IMPG1: variants seen among roughly 807,000 people sequenced by gnomAD.
IMPG1 encodes the protein interphotoreceptor matrix proteoglycan of 150 kDa.
A neutral mutation model predicts 92.0 loss-of-function variants in IMPG1; 85 were observed. The ratio of observed to expected loss-of-function variants is 0.92; its 90% CI spans 0.78 to 1.11. IMPG1 has a LOEUF of 1.11. Ranked by LOEUF, IMPG1 falls within the 50% of genes least tolerant of loss-of-function variation. IMPG1 has a pLI of 0.00. For missense variants in IMPG1, 1,022 were observed against 956.0 expected, an observed-to-expected ratio of 1.07 and a Z score of -0.91; for synonymous variants, 367 against 334.1, an observed-to-expected ratio of 1.10 and a Z score of -1.08.
chr6:75,925,162 C>T (rs72884300), intron 15 of IMPG1, among the ~76,000 whole-genome samples: 16,300 of 151,932 alleles, frequency 0.11, 1,044 homozygotes, highest in Middle Eastern at 0.17. Flanking sequence ...GATGGGAATG[C>T]TAATTACCCT....
In IMPG1 at chr6:75,987,150, T is replaced by C. The variant is rs559092407; in HGVS notation, c.1291+15768A>G. Among the ~76,000 whole-genome samples the C allele has an allele frequency of 1.2e-4, 19 of 152,178 alleles. No homozygotes were observed. The South Asian group carries it at 1.5e-3, about 12-fold the overall frequency. On this transcript the variant is annotated intron_variant, in intron 12 of 16. Transcript: ENST00000369950. The stretch of plus-strand genomic sequence containing the variant: ...CCTTGGCGAGGCCTAAATTCCTCTT[T>C]GCCTAAGAAAGAAAAAACCTCACTG...
intron 2 of IMPG1, among the ~76,000 whole-genome samples, chr6:76,041,645 T>C (rs1783843893): frequency 6.6e-6 from 1 of 152,230 alleles, no homozygotes; most frequent in Non-Finnish European, 1.5e-5. Context: ...CAAGGTTTTC[T>C]GGTGATTTCT....
intron 1 of IMPG1, among the ~76,000 whole-genome samples, chr6:76,057,679 T>C (rs1047148337): frequency 1.3e-5 from 2 of 152,134 alleles, no homozygotes; most frequent in African/African-American, 2.4e-5. Flanking sequence ...TCTGGGTTAT[T>C]ACTCATGAGT....
At chr6:76,014,045 G>A (rs955513042) in intron 7 of IMPG1, among the ~76,000 whole-genome samples, 4 of 152,168 alleles carry the variant, frequency 2.6e-5, no homozygotes, top group Admixed American at 2.0e-4. Context: ...ACGGGATGGG[G>A]TTTAAATATT....
At chr6:75,929,129 A>C (rs1582047579) in intron 15 of IMPG1, among the ~76,000 whole-genome samples, 1 of 152,194 alleles carries the variant, frequency 6.6e-6, no homozygotes, top group South Asian at 2.1e-4. Flanking sequence ...TAATTGTCTA[A>C]AAGTAGAGTA....
intron 15 of IMPG1, among the ~76,000 whole-genome samples, chr6:75,925,790 G>A (rs1249053908): frequency 2.0e-5 from 3 of 151,962 alleles, no homozygotes; most frequent in East Asian, 1.9e-4. Flanking sequence ...CTCAGCCTCC[G>A]GAGTAGCTGA....
At chr6:75,937,920 C>G (rs1370851585) in intron 14 of IMPG1, among the ~76,000 whole-genome samples, 1 of 152,184 alleles carries the variant, frequency 6.6e-6, no homozygotes, top group African/African-American at 2.4e-5. Flanking sequence ...AAATCTTCAG[C>G]CTGCACAACT....
At chr6:76,049,005 C>T (rs1582129601) in intron 1 of IMPG1, among the ~76,000 whole-genome samples, 1 of 152,222 alleles carries the variant, frequency 6.6e-6, no homozygotes, top group Non-Finnish European at 1.5e-5. Context: ...ATACCATGGA[C>T]TACTATACAG....
chr6:76,002,429 T>G (rs1404432516), intron 12 of IMPG1, among the ~76,000 whole-genome samples: 1 of 152,212 alleles, frequency 6.6e-6, no homozygotes, highest in Admixed American at 6.5e-5. Flanking sequence ...ATGTGCTAAT[T>G]TACACTAAAG....
intron 14 of IMPG1, among the ~76,000 whole-genome samples, chr6:75,943,717 T>A (rs1169442917): frequency 6.6e-6 from 1 of 152,196 alleles, no homozygotes; most frequent in East Asian, 1.9e-4. Context: ...CCAAAGGCTG[T>A]CTCATTGACC....
At chr6:75,956,673 A>G (rs1160628492) in intron 12 of IMPG1, among the ~76,000 whole-genome samples, 1 of 151,512 alleles carries the variant, frequency 6.6e-6, no homozygotes, top group Non-Finnish European at 1.5e-5. Context: ...TAATTGTTTT[A>G]ATTGTGATGT....
intron 12 of IMPG1, among the ~76,000 whole-genome samples, chr6:75,992,209 C>T (rs1782823688): frequency 6.6e-6 from 1 of 152,230 alleles, no homozygotes; most frequent in African/African-American, 2.4e-5. Context: ...CCCTGGTTTT[C>T]CAGCCTGCCA....
chr6:76,003,199 C>G (rs1381393930), intron 11 of IMPG1, among the ~76,000 whole-genome samples: 1 of 152,118 alleles, frequency 6.6e-6, no homozygotes, highest in Non-Finnish European at 1.5e-5. Flanking sequence ...AAAATAAGAT[C>G]TATTGCTTCT....
At chr6:76,008,707 A>G (rs1562367892) in intron 8 of IMPG1, among the ~76,000 whole-genome samples, 2 of 152,182 alleles carry the variant, frequency 1.3e-5, no homozygotes, top group African/African-American at 4.8e-5. Flanking sequence ...ATTTTTAAAT[A>G]ATTGTTTTGT....
At chr6:76,026,923 G>T (rs769587524) in intron 4 of IMPG1, among the ~76,000 whole-genome samples, 36 of 152,094 alleles carry the variant, frequency 2.4e-4, no homozygotes, top group Non-Finnish European at 4.4e-5. Flanking sequence ...AGCCCTTTCT[G>T]GTTCAATATC....
At chr6:75,955,517 T>C (rs932849507) in intron 12 of IMPG1, among the ~76,000 whole-genome samples, 16 of 152,210 alleles carry the variant, frequency 1.1e-4, no homozygotes, top group African/African-American at 3.6e-4. Flanking sequence ...GATGGGGTTT[T>C]CTAAATATAT....
chr6:76,004,205 T>C (rs1284327651), intron 10 of IMPG1, among the ~76,000 whole-genome samples: 1 of 152,202 alleles, frequency 6.6e-6, no homozygotes, highest in African/African-American at 2.4e-5. Flanking sequence ...GGTGCTCAGT[T>C]TTATTCTATA....
intron 12 of IMPG1, among the ~76,000 whole-genome samples, chr6:75,955,019 T>A (rs1413744472): frequency 6.6e-6 from 1 of 152,188 alleles, no homozygotes; most frequent in Non-Finnish European, 1.5e-5. Flanking sequence ...ACTGTAGGCT[T>A]GTAGTATAGT....
At chr6:76,067,011 C>A (rs915758948) in intron 1 of IMPG1, among the ~76,000 whole-genome samples, 1 of 151,774 alleles carries the variant, frequency 6.6e-6, no homozygotes, top group Non-Finnish European at 1.5e-5. Flanking sequence ...AAAATAGAGA[C>A]ACAACATACC....
Sources: gnomAD v4.1 joint callset for allele counts (sites outside exome capture counted in the v4.1 genomes callset) on GRCh38, gnomAD v4.1.1 for gene constraint, MANE v1.5 for transcripts, NCBI Gene and HGNC (gene_info 2026-07-23, HGNC 2026-07-21) for gene names.